The following INSC variants were observed in gnomAD, a reference collection of about 807,000 sequenced individuals.
INSC encodes INSC spindle orientation adaptor protein, also known as protein inscuteable homolog.
In INSC, 67 loss-of-function variants were observed where a neutral mutation model predicts 58.6. The ratio of observed to expected loss-of-function variants is 1.14; its 90% CI spans 0.94 to 1.40. The LOEUF (loss-of-function observed/expected upper bound fraction) is 1.40, where lower values mean the gene tolerates loss of function less well. INSC is among the 40% of genes most tolerant of loss of function. The pLI is 0.00. For missense variants in INSC, 714 were observed against 692.0 expected (o/e 1.03, Z -0.36); for synonymous variants, 262 against 276.1 (o/e 0.95, Z 0.51).
At chr11:15,186,465 C>T (rs1257743657) in intron 5 of INSC, among the ~76,000 whole-genome samples, 1 of 152,048 alleles carries the variant, frequency 6.6e-6, no homozygotes, top group East Asian at 1.9e-4. Context: ...TTTGTTTTTC[C>T]AACAAACTAA....
chr11:15,239,150 G>A, intron 11 of INSC, 76 bp downstream of exon 11: 2 of 1,516,916 alleles, frequency 1.3e-6, no homozygotes, highest in South Asian at 1.2e-5. Flanking sequence ...TTTCACAGTG[G>A]CAACAGTGGA....
At chr11:15,164,544 A>G (rs191792640) in intron 2 of INSC, among the ~76,000 whole-genome samples, 2 of 152,256 alleles carry the variant, frequency 1.3e-5, no homozygotes, top group Admixed American at 1.3e-4. Context: ...AGAGTTCATA[A>G]AACACCCTAT....
chr11:15,217,740 A>C (rs1445433644), intron 7 of INSC, among the ~76,000 whole-genome samples: 2 of 152,228 alleles, frequency 1.3e-5, no homozygotes, highest in Non-Finnish European at 2.9e-5. Flanking sequence ...CCAACTTGCA[A>C]AAAACAAAAG....
chr11:15,235,872 A>T lies in INSC; in HGVS notation c.1237+204A>T, dbSNP rs187384317. On this transcript the variant is annotated intron_variant, in intron 10 of 12. Transcript: ENST00000379556. ...GGAGTTCGAGACCAGCCTGAGCAAC[A>T]TGGTGAAACCCTGTCTCCACTAAAA... is the stretch of plus-strand genomic sequence containing the variant. Among the ~76,000 whole-genome samples, 50 of 152,140 alleles carry T rather than the reference A, an allele frequency of 3.3e-4. 1 individual carries two copies. The highest frequency in any genetic ancestry group is 3.0e-3 in the Admixed American group (46 of 15,286).
chr11:15,177,092 T>G lies in INSC; in HGVS notation c.403-19T>G, dbSNP rs773988002. On this transcript the variant is annotated intron_variant, in intron 3 of 12. Transcript: ENST00000379556. ...TTAATGCTTACTGAGTTGAATAAAA[T>G]GGACTTATTTTTCTACAGATTGAGA... The G allele has an allele frequency of 7.4e-6, 12 of 1,610,868 alleles. No homozygotes were observed. The highest frequency in any genetic ancestry group is 9.3e-6 in the Non-Finnish European group (11 of 1,177,076).
chr11:15,245,602 C>G (rs889221704), intron 12 of INSC, among the ~76,000 whole-genome samples: 24 of 152,114 alleles, frequency 1.6e-4, no homozygotes, highest in South Asian at 4.1e-4. Context: ...ATAGTTCTTG[C>G]TGTTCTAAGG....
intron 7 of INSC, among the ~76,000 whole-genome samples, chr11:15,220,825 G>C (rs571390947): frequency 6.6e-6 from 1 of 152,310 alleles, no homozygotes; most frequent in East Asian, 1.9e-4. Flanking sequence ...TGTCCCACCA[G>C]TTTCAGGTTT....
At chr11:15,121,704 C>T (rs1028095380) in intron 1 of INSC, among the ~76,000 whole-genome samples, 2 of 152,178 alleles carry the variant, frequency 1.3e-5, no homozygotes, top group African/African-American at 4.8e-5. Flanking sequence ...ATTATTTCTT[C>T]CGTATTTAGT....
chr11:15,197,449 G>A (rs562410922), intron 6 of INSC, among the ~76,000 whole-genome samples: 6 of 152,276 alleles, frequency 3.9e-5, no homozygotes, highest in Non-Finnish European at 8.8e-5. Flanking sequence ...CAGGAGCTGG[G>A]AGTCCCTGGC....
intron 2 of INSC, among the ~76,000 whole-genome samples, chr11:15,169,445 G>A (rs914578637): frequency 6.6e-6 from 1 of 152,166 alleles, no homozygotes; most frequent in Non-Finnish European, 1.5e-5. Flanking sequence ...CCTGGAGCTT[G>A]GACTCTCAAG....
intron 2 of INSC, among the ~76,000 whole-genome samples, chr11:15,166,597 T>G (rs1031902753): frequency 6.6e-6 from 1 of 152,224 alleles, no homozygotes; most frequent in Non-Finnish European, 1.5e-5. Context: ...AACTCTTGCC[T>G]GTCTTGTGTA....
chr11:15,231,990 G>A (rs111946236), intron 9 of INSC, among the ~76,000 whole-genome samples: 4,389 of 152,280 alleles, frequency 0.029, 83 homozygotes, highest in Non-Finnish European at 0.044. Context: ...AAAAGGCCTC[G>A]CCAACCTCCT....
intron 2 of INSC, among the ~76,000 whole-genome samples, chr11:15,161,305 T>A (rs545531366): frequency 6.6e-6 from 1 of 152,238 alleles, no homozygotes; most frequent in Non-Finnish European, 1.5e-5. Flanking sequence ...TACTATATTA[T>A]ACTGAACAGT....
At chr11:15,164,192 CTCT>C (rs1849116320) in intron 2 of INSC, among the ~76,000 whole-genome samples, 1 of 151,944 alleles carries the variant, frequency 6.6e-6, no homozygotes, top group Non-Finnish European at 1.5e-5. Context: ...GCTCTTTATT[CTCT>C]TTTTAAAATA....
the INSC span, among the ~76,000 whole-genome samples, chr11:15,261,769 G>A: frequency 6.6e-6 from 1 of 152,208 alleles, no homozygotes; most frequent in Non-Finnish European, 1.5e-5. Context: ...GAAAATTAGC[G>A]GGAAAATGGG....
intron 9 of INSC, among the ~76,000 whole-genome samples, chr11:15,229,960 TTA>T (rs1239590441): frequency 4.0e-4 from 10 of 25,090 alleles, no homozygotes; most frequent in African/African-American, 2.3e-3. Flanking sequence ...ATATATATAT[TTA>T]TATATATATA....
intron 9 of INSC, among the ~76,000 whole-genome samples, chr11:15,231,045 C>A (rs1419044269): frequency 6.6e-6 from 1 of 152,164 alleles, no homozygotes; most frequent in South Asian, 2.1e-4. Context: ...GCGCCCTGGG[C>A]CCTGGGCCAT....
chr11:15,255,225 C>T, the INSC span, among the ~76,000 whole-genome samples: 238 of 152,064 alleles, frequency 1.6e-3, 1 homozygote, highest in South Asian at 5.2e-3. Context: ...TAAAATACTT[C>T]GGCAAATTCC....
chr11:15,259,509 A>G, the INSC span, among the ~76,000 whole-genome samples: 1 of 152,210 alleles, frequency 6.6e-6, no homozygotes, highest in Non-Finnish European at 1.5e-5. Context: ...AAAGAGTTGT[A>G]TGACTTGAGT....
Sources: gnomAD v4.1 joint callset for allele counts (sites outside exome capture counted in the v4.1 genomes callset) on GRCh38, gnomAD v4.1.1 for gene constraint, MANE v1.5 for transcripts, NCBI Gene and HGNC (gene_info 2026-07-23, HGNC 2026-07-21) for gene names.